TNRC6C: variants seen among roughly 807,000 people sequenced by gnomAD.
TNRC6C encodes the protein trinucleotide repeat containing adaptor 6C.
A neutral mutation model predicts 153.7 loss-of-function variants in TNRC6C; 20 were observed. The ratio of observed to expected loss-of-function variants is 0.13; its 90% CI spans 0.09 to 0.19. TNRC6C has a LOEUF of 0.19. TNRC6C is among the 10% of genes least tolerant of loss of function. The pLI is 1.00. For missense variants in TNRC6C, 1,987 were observed against 2,172.0 expected, an observed-to-expected ratio of 0.91 and a Z score of 1.69; for synonymous variants, 811 against 841.4, an observed-to-expected ratio of 0.96 and a Z score of 0.63.
chr17:77,978,706 G>A (rs927348208), intron 1 of TNRC6C, among the ~76,000 whole-genome samples: 1 of 152,012 alleles, frequency 6.6e-6, no homozygotes, highest in Non-Finnish European at 1.5e-5. Context: ...TCACAAAAAC[G>A]GGAGTTCAGG....
intron 2 of TNRC6C, among the ~76,000 whole-genome samples, chr17:78,047,010 G>T (rs2072425116): frequency 1.3e-5 from 2 of 151,954 alleles, no homozygotes; most frequent in African/African-American, 2.4e-5. Context: ...ATATGGAAAA[G>T]AATGCATTGG....
chr17:78,093,042 C>T (rs1039761052), exon 15 of TNRC6C: 8 of 1,613,680 alleles, frequency 5.0e-6, no homozygotes, highest in Admixed American at 1.7e-5. Context: ...CCAGTCCTCC[C>T]GTAGCTGTTC....
intron 11 of TNRC6C, among the ~76,000 whole-genome samples, chr17:78,085,081 A>G (rs1285879992): frequency 6.6e-6 from 1 of 152,190 alleles, no homozygotes; most frequent in Admixed American, 6.5e-5. Flanking sequence ...CTCTGAAAAC[A>G]GGCACTCATA....
chr17:78,038,405 G>A (rs2072222977), intron 2 of TNRC6C, among the ~76,000 whole-genome samples: 1 of 152,112 alleles, frequency 6.6e-6, no homozygotes, highest in African/African-American at 2.4e-5. Context: ...TGGGTGCGGT[G>A]GCTCACGCAT....
chr17:77,970,795 A>G (rs559519461), intron 1 of TNRC6C, among the ~76,000 whole-genome samples: 43 of 152,234 alleles, frequency 2.8e-4, no homozygotes, highest in South Asian at 2.1e-3. Context: ...GGTATAGATA[A>G]AAGCAGGTAA....
chr17:78,045,567 G>T (rs1213645056), intron 2 of TNRC6C, among the ~76,000 whole-genome samples: 1 of 152,216 alleles, frequency 6.6e-6, no homozygotes, highest in Non-Finnish European at 1.5e-5. Flanking sequence ...AAGTGCAGCT[G>T]ATTGGTGACT....
At chr17:78,054,603 T>G (rs1189351595) in intron 3 of TNRC6C, among the ~76,000 whole-genome samples, 2 of 151,844 alleles carry the variant, frequency 1.3e-5, no homozygotes, top group Non-Finnish European at 2.9e-5. Context: ...TATACACCAC[T>G]GCAGACTACT....
At chr17:78,093,146 G>C in intron 15 of TNRC6C, 22 bp downstream of exon 17, 1 of 1,609,236 alleles carries the variant, frequency 6.2e-7, no homozygotes, top group Non-Finnish European at 8.5e-7. Flanking sequence ...CAACACTTCT[G>C]TGCAACAGCA....
chr17:78,006,429 T>A (rs962673022), intron 1 of TNRC6C, among the ~76,000 whole-genome samples: 16 of 152,226 alleles, frequency 1.1e-4, no homozygotes, highest in African/African-American at 3.6e-4. Flanking sequence ...GGTTTCTTAC[T>A]ATTGTCATTT....
chr17:78,054,803 T>G (rs112981222), intron 3 of TNRC6C, among the ~76,000 whole-genome samples: 98 of 152,008 alleles, frequency 6.4e-4, no homozygotes, highest in African/African-American at 2.2e-3. Context: ...TGTACACTAC[T>G]ATACACCACT....
At chr17:77,999,576 T>C (rs977534859), upstream of TNRC6C, among the ~76,000 whole-genome samples, 1 of 152,174 alleles carries the variant, frequency 6.6e-6, no homozygotes, top group Non-Finnish European at 1.5e-5. Context: ...CATCACTACC[T>C]GGTTTAGTTT....
intron 2 of TNRC6C, among the ~76,000 whole-genome samples, chr17:78,039,756 T>C (rs1425833162): frequency 1.3e-5 from 2 of 152,108 alleles, no homozygotes; most frequent in Non-Finnish European, 2.9e-5. Flanking sequence ...CACTAAGGAC[T>C]GGGAGAACAA....
chr17:78,078,156 T>C lies in TNRC6C; in HGVS notation c.3210+822T>C, dbSNP rs77255486. Among the ~76,000 whole-genome samples, 842 of 152,342 alleles carry C rather than the reference T, an allele frequency of 5.5e-3. 8 individuals are homozygous for C. The highest frequency in any genetic ancestry group is 0.019 in the African/African-American group (808 of 41,576). ...TCACCAGCGCCCGACTGTGTGATCC[T>C]GGCGATCTGACATTGCCCCCTTGGT... On this transcript the variant is annotated intron_variant, in intron 9 of 19. Transcript: ENST00000301624.
intron 16 of TNRC6C, among the ~76,000 whole-genome samples, chr17:78,095,909 C>T (rs973494465): frequency 2.6e-5 from 4 of 152,034 alleles, no homozygotes; most frequent in Admixed American, 6.6e-5. Context: ...AAATTAGCTG[C>T]GTGTGGTGGC....
chr17:78,039,045 A>G (rs1411101768), intron 2 of TNRC6C, among the ~76,000 whole-genome samples: 1 of 152,212 alleles, frequency 6.6e-6, no homozygotes, highest in African/African-American at 2.4e-5. Flanking sequence ...ACAGCTCTTT[A>G]CTGACGACTG....
intron 1 of TNRC6C, among the ~76,000 whole-genome samples, chr17:77,998,247 C>G (rs2071360022): frequency 6.6e-6 from 1 of 151,962 alleles, no homozygotes. Flanking sequence ...ATAAGTGGAC[C>G]CTACGTGACA....
chr17:78,055,827 C>T (rs1468265185), intron 3 of TNRC6C, among the ~76,000 whole-genome samples: 1 of 152,110 alleles, frequency 6.6e-6, no homozygotes, highest in Non-Finnish European at 1.5e-5. Context: ...CCTCATTTTA[C>T]AAATGAGACC....
chr17:78,032,962 C>T (rs2072105091), intron 2 of TNRC6C, among the ~76,000 whole-genome samples: 1 of 152,192 alleles, frequency 6.6e-6, no homozygotes, highest in African/African-American at 2.4e-5. Flanking sequence ...AATATATTCA[C>T]TGACCAAGAA....
chr17:78,097,587 C>T (rs2073510269), intron 16 of TNRC6C, among the ~76,000 whole-genome samples, 158 bp from the exon 19 acceptor site: 2 of 152,258 alleles, frequency 1.3e-5, no homozygotes, highest in South Asian at 2.1e-4. Flanking sequence ...AGGCATGCCC[C>T]GTTTCTTCTT....
Sources: gnomAD v4.1 joint callset for allele counts (sites outside exome capture counted in the v4.1 genomes callset) on GRCh38, gnomAD v4.1.1 for gene constraint, MANE v1.5 for transcripts, NCBI Gene and HGNC (gene_info 2026-07-23, HGNC 2026-07-21) for gene names.